The following GRAMD4 variants were observed in gnomAD, a reference collection of about 807,000 sequenced individuals.
GRAMD4 encodes GRAM domain containing 4.
A neutral mutation model predicts 83.9 loss-of-function variants in GRAMD4; 25 were observed. That is an observed-to-expected ratio of 0.30 (90% CI 0.22 to 0.42). The LOEUF is 0.42. Among genes scored for constraint, GRAMD4 ranks in the 10% least tolerant of loss-of-function variants. GRAMD4 has a pLI of 1.00. For missense variants in GRAMD4, 593 were observed against 788.7 expected (o/e 0.75, Z 2.97); for synonymous variants, 336 against 320.9 (o/e 1.05, Z -0.50).
chr22:46,625,891 G>A (rs1260026586), intron 1 of GRAMD4, among the ~76,000 whole-genome samples: 1 of 152,250 alleles, frequency 6.6e-6, no homozygotes, highest in Non-Finnish European at 1.5e-5. Context: ...TGAATTACGC[G>A]TGTCCTGATG....
chr22:46,656,204 C>A (rs991094916), intron 3 of GRAMD4, among the ~76,000 whole-genome samples: 1 of 152,236 alleles, frequency 6.6e-6, no homozygotes, highest in Non-Finnish European at 1.5e-5. Context: ...CTCCAGCACC[C>A]ACACTGGGCA....
At chr22:46,650,463 C>T (rs1357507764) in intron 3 of GRAMD4, among the ~76,000 whole-genome samples, 1 of 151,836 alleles carries the variant, frequency 6.6e-6, no homozygotes, top group Non-Finnish European at 1.5e-5. Flanking sequence ...GGCTGGGCCT[C>T]AGCCCCACAG....
In GRAMD4 at chr22:46,631,287, C is replaced by T. The variant is rs193180440; in HGVS notation, c.162+4326C>T. On this transcript the variant is annotated intron_variant, in intron 2 of 18. Coordinates refer to ENST00000406902, the MANE Select transcript of GRAMD4 (RefSeq NM_015124.5). ...CTCCACCTCCAGAACCTTTCGTCAT[C>T]CCAGACTGAGGCCCAGCACGTGTCA... is the stretch of plus-strand genomic sequence containing the variant. Among the ~76,000 whole-genome samples the T allele has an allele frequency of 3.7e-4, 57 of 152,346 alleles. No homozygotes were observed. The East Asian group carries it at 0.01, about 27-fold the overall frequency.
intron 1 of GRAMD4, among the ~76,000 whole-genome samples, chr22:46,589,986 TG>T (rs1333991727): frequency 6.6e-6 from 1 of 152,202 alleles, no homozygotes; most frequent in Non-Finnish European, 1.5e-5. Flanking sequence ...CATGTATTGG[TG>T]GGGAGGCCGT....
chr22:46,673,106 T>C lies in GRAMD4; in HGVS notation c.1239+109T>C, dbSNP rs924363723. ...CTCCGGCTCATTTAGAGGCTGTTTC[T>C]TCAATTTTATAGACTCCTTAAACTT... On this transcript the variant is annotated intron_variant, in intron 14 of 18. Transcript: ENST00000406902. The C allele has an allele frequency of 2.2e-5, 20 of 891,894 alleles. No homozygotes were observed. In the African/African-American group the frequency reaches 2.7e-4, roughly 12 times the overall value. The allele number at this position is 891,894 out of a possible 1,614,324, so 55.2% of individuals were successfully genotyped here.
At chr22:46,609,629 G>T (rs937997337) in intron 1 of GRAMD4, among the ~76,000 whole-genome samples, 4 of 152,200 alleles carry the variant, frequency 2.6e-5, no homozygotes, top group Non-Finnish European at 4.4e-5. Flanking sequence ...CAGGCCGTGT[G>T]CTGGGCCCCA....
intron 4 of GRAMD4, among the ~76,000 whole-genome samples, chr22:46,660,096 C>T (rs535934884): frequency 1.3e-5 from 2 of 152,342 alleles, no homozygotes; most frequent in Non-Finnish European, 1.5e-5. Flanking sequence ...GCCAGCCCCA[C>T]TCCAGGATCT....
chr22:46,607,192 C>T lies in GRAMD4; in HGVS notation c.-49-19559C>T, dbSNP rs200652479. Among the ~76,000 whole-genome samples the T allele has an allele frequency of 5.9e-3, 420 of 70,882 alleles. 4 individuals are homozygous for T. Among genetic ancestry groups the T allele is most frequent in the African/African-American group, 0.017 (385 of 23,230 alleles). The allele number at this position is 70,882 out of a possible 152,430, so 46.5% of individuals were successfully genotyped here. A position where few individuals can be genotyped will look rare whatever the true frequency, so the allele number is the denominator to read the frequency against. On this transcript the variant is annotated intron_variant, in intron 1 of 1. Transcript: ENST00000431155. ...GTCCTTTCCTGAGCCACAGTTCCCT[C>T]GTGTCTTTAAAAAGGGGGGGGTCAT... is the stretch of plus-strand genomic sequence containing the variant.
At chr22:46,597,916 T>G (rs1345688063) in intron 1 of GRAMD4, among the ~76,000 whole-genome samples, 1 of 152,182 alleles carries the variant, frequency 6.6e-6, no homozygotes, top group Non-Finnish European at 1.5e-5. Flanking sequence ...CTTGTAGAAC[T>G]TGCCTTTAGA....
chr22:46,651,073 G>T (rs372796818), intron 3 of GRAMD4, among the ~76,000 whole-genome samples: 73 of 152,200 alleles, frequency 4.8e-4, no homozygotes, highest in African/African-American at 1.7e-3. Context: ...CCACGTACCC[G>T]GGCCATCTCG....
chr22:46,633,547 C>G (rs2081808915), intron 2 of GRAMD4, among the ~76,000 whole-genome samples: 2 of 152,176 alleles, frequency 1.3e-5, no homozygotes, highest in African/African-American at 4.8e-5. Flanking sequence ...CCCGGGAGCC[C>G]AGCAACTGGG....
chr22:46,643,115 C>CCATCCATCCATG (rs2082001586), intron 3 of GRAMD4, among the ~76,000 whole-genome samples: 1 of 142,908 alleles, frequency 7.0e-6, no homozygotes, highest in African/African-American at 2.5e-5. Flanking sequence ...ATCCATCCAT[C>CCATCCATCCATG]CATCCATGCA....
intron 1 of GRAMD4, among the ~76,000 whole-genome samples, chr22:46,587,454 TC>T (rs957753544): frequency 2.0e-5 from 3 of 151,824 alleles, no homozygotes; most frequent in African/African-American, 7.3e-5. Context: ...GGGGTCCTGT[TC>T]CGGCTTCAGT....
chr22:46,663,363 A>G (rs1345470517), intron 6 of GRAMD4, among the ~76,000 whole-genome samples, 191 bp downstream of exon 6: 1 of 152,206 alleles, frequency 6.6e-6, no homozygotes, highest in Non-Finnish European at 1.5e-5. Flanking sequence ...AGGCCCGCTT[A>G]GGTGCAGCAG....
Position 46,621,952 on chromosome 22 carries a change from C to G in GRAMD4, c.-50+1387C>G, listed in dbSNP as rs1387800287. Among the ~76,000 whole-genome samples the G allele has an allele frequency of 6.6e-6, 1 of 152,152 alleles. No individual in the cohort carries two copies. Among genetic ancestry groups the G allele is most frequent in the African/African-American group, 2.4e-5 (1 of 41,434 alleles). Reference sequence around the variant, plus strand: ...GAGTCAGTGGGGCTGAGAGCAGGGTCGTCTAGGACCCTGATGTGTGGACGC... The same window carrying G: ...GAGTCAGTGGGGCTGAGAGCAGGGTGGTCTAGGACCCTGATGTGTGGACGC... On this transcript the variant is annotated intron_variant, in intron 1 of 18. Transcript: ENST00000406902. This position sits in a 1 kb window ranked among gnomAD's most constrained non-coding sequence, Gnocchi z 5.8.
chr22:46,593,395 C>T (rs1053569831), intron 1 of GRAMD4, among the ~76,000 whole-genome samples: 1 of 152,250 alleles, frequency 6.6e-6, no homozygotes. Flanking sequence ...TTGTTCTTGG[C>T]CATTTGGCAG....
chr22:46,601,247 C>T (rs2081309615), intron 1 of GRAMD4, among the ~76,000 whole-genome samples: 1 of 152,070 alleles, frequency 6.6e-6, no homozygotes, highest in Non-Finnish European at 1.5e-5. Context: ...AGCTTGTCTT[C>T]TGTGACCCGT....
At chr22:46,666,546 T>C (rs1333416363) in intron 9 of GRAMD4, among the ~76,000 whole-genome samples, 2 of 152,216 alleles carry the variant, frequency 1.3e-5, no homozygotes, top group Non-Finnish European at 2.9e-5. Context: ...GATGCCACTT[T>C]GGATGTTGAA....
rs2082372406 is a variant in GRAMD4, at chr22:46,664,050, A to G, written c.650A>G (p.Asn217Ser). ...RLKRGAKPVT[N>S]FVKNLSALSD... ...GAGCGCGGTGCCAAGCCGGTCACTA[A>G]CTTTGTGAAGAACCTCTCTGCCTTA... Residue 217 changes from asparagine (N) to serine (S), a missense_variant, in exon 8 of 19, where the codon AAC (asparagine) becomes AGC (serine). By Grantham distance (46) the Asn-to-Ser change is conservative. Around this residue, in one of 4 missense-constraint regions of GRAMD4, gnomAD observed 312 missense variants for 350.7 expected, o/e 0.89. Transcript: ENST00000406902. 1 of 1,613,480 alleles carries G rather than the reference A, an allele frequency of 6.2e-7. No individual in the cohort carries two copies. Among genetic ancestry groups the G allele is most frequent in the Non-Finnish European group, 8.5e-7 (1 of 1,179,902 alleles).
Sources: allele counts gnomAD v4.1 joint callset (sites outside exome capture counted in the v4.1 genomes callset), GRCh38; gene constraint gnomAD v4.1.1; regional missense constraint gnomAD v4.1.1; non-coding constraint Gnocchi (gnomAD v3.1); transcripts MANE v1.5; gene names NCBI Gene and HGNC (gene_info 2026-07-23, HGNC 2026-07-21).